OPHN1: variants seen among roughly 807,000 people sequenced by gnomAD.
OPHN1 encodes the protein oligophrenin-1.
Under a neutral mutation model 60.7 loss-of-function variants are expected in OPHN1, and 11 were observed. The observed-to-expected ratio is 0.18, with a 90% CI of 0.11 to 0.30. The LOEUF is 0.30. Among genes scored for constraint, OPHN1 ranks in the 10% least tolerant of loss-of-function variants. The pLI is 1.00. For synonymous variants in OPHN1, 226 were observed against 222.6 expected, an observed-to-expected ratio of 1.02 and a Z score of -0.14; for missense variants, 449 against 611.0, an observed-to-expected ratio of 0.73 and a Z score of 2.80.
At chrX:68,225,179 C>T in intron 6 of OPHN1, among the ~76,000 whole-genome samples, 1 of 111,653 alleles carries the variant, frequency 9.0e-6, no homozygotes, top group Non-Finnish European at 1.9e-5. Flanking sequence ...GGGGGAGGGT[C>T]GTCCGCCATT....
chrX:68,420,342 T>C (rs1490688012), intron 2 of OPHN1, among the ~76,000 whole-genome samples: 3 of 112,264 alleles, frequency 2.7e-5, no homozygotes, highest in African/African-American at 9.7e-5. Context: ...TGACTAGCTA[T>C]GCAATCTTAG....
intron 2 of OPHN1, among the ~76,000 whole-genome samples, chrX:68,354,544 G>A (rs982525598): frequency 4.8e-5 from 5 of 104,301 alleles, no homozygotes; most frequent in Middle Eastern, 5.1e-3. Context: ...GATCACCTGC[G>A]GTCAGGAGTT....
chrX:68,214,182 T>C (rs968607030), intron 6 of OPHN1, among the ~76,000 whole-genome samples: 12 of 112,025 alleles, frequency 1.1e-4, no homozygotes, highest in African/African-American at 3.6e-4. Context: ...CATAAAAAGC[T>C]TGAAGTCATT....
At chrX:68,169,471 A>G (rs1009513168) in intron 15 of OPHN1, among the ~76,000 whole-genome samples, 1 of 109,826 alleles carries the variant, frequency 9.1e-6, no homozygotes, top group African/African-American at 3.4e-5. Flanking sequence ...CCGCATTGCC[A>G]AGTCAATCCT....
intron 15 of OPHN1, among the ~76,000 whole-genome samples, chrX:68,125,743 A>T (rs1218502853): frequency 9.4e-6 from 1 of 106,423 alleles, no homozygotes; most frequent in African/African-American, 3.4e-5. Context: ...GCTGAATTCT[A>T]CCAAACATTT....
At chrX:68,410,365 C>T (rs1460583477) in intron 2 of OPHN1, among the ~76,000 whole-genome samples, 3 of 110,829 alleles carry the variant, frequency 2.7e-5, no homozygotes, top group Admixed American at 9.7e-5. Flanking sequence ...GGAGGAATGC[C>T]GTGTTCTCAC....
intron 2 of OPHN1, among the ~76,000 whole-genome samples, chrX:68,351,873 CTTTTTTT>C (rs58051308): frequency 6.8e-5 from 2 of 29,552 alleles, no homozygotes; most frequent in Admixed American, 4.4e-4. Flanking sequence ...ATTTTTTTTT[CTTTTTTT>C]TTTTTTTTTT....
intron 2 of OPHN1, among the ~76,000 whole-genome samples, chrX:68,429,542 C>T (rs749436636): frequency 3.6e-5 from 4 of 110,516 alleles, no homozygotes; most frequent in Non-Finnish European, 7.6e-5. Context: ...TGGGCGAGAT[C>T]AGTGAGACCC....
rs56107322 is a variant in OPHN1, at chrX:68,112,061, G to GCACA, written c.1421-106_1421-103dup. 34,777 of 379,470 alleles carry GCACA rather than the reference G, an allele frequency of 0.092. 1,058 individuals carry two copies. The highest frequency in any genetic ancestry group is 0.29 in the East Asian group (5,842 of 20,279). The allele number at this position is 379,470 out of a possible 1,213,427, so 31.3% of individuals were successfully genotyped here. On this transcript the variant is annotated intron_variant, in intron 17 of 24. Coordinates refer to ENST00000355520, the MANE Select transcript of OPHN1 (RefSeq NM_002547.3). ...CACAAACACACACACATGCACACATGCACACACACACACACACACACACAC... is the reference window on the plus strand; with the variant it reads ...CACAAACACACACACATGCACACATGCACACACACACACACACACACACACACAC...
chrX:68,317,551 G>GAA (rs1327343628), intron 2 of OPHN1, among the ~76,000 whole-genome samples: 3 of 68,481 alleles, frequency 4.4e-5, no homozygotes, highest in Non-Finnish European at 7.7e-5. Context: ...AAGAAAGAAA[G>GAA]AAAGAAAGAA....
intron 15 of OPHN1, among the ~76,000 whole-genome samples, chrX:68,186,163 A>G (rs764153039): frequency 9.0e-6 from 1 of 111,524 alleles, no homozygotes; most frequent in Non-Finnish European, 1.9e-5. Context: ...GCTAGACACT[A>G]AGTTGCAGGA....
rs143476708 is a variant in OPHN1, at chrX:68,115,625, C to T, written c.1362-2386G>A. Among the ~76,000 whole-genome samples, 374 of 111,969 alleles carry T rather than the reference C, an allele frequency of 3.3e-3. 3 individuals are homozygous for T. The highest frequency in any genetic ancestry group is 0.012 in the African/African-American group (364 of 30,846). The stretch of plus-strand genomic sequence containing the variant: ...TTTGTGTGCAGCATTGAGGGTATCC[C>T]TGGTGACCCTGGCAAAAGCAGCTTC... On this transcript the variant is annotated intron_variant, in intron 16 of 24. Transcript: ENST00000355520.
intron 5 of OPHN1, among the ~76,000 whole-genome samples, chrX:68,235,636 G>T (rs1361848298): frequency 9.5e-6 from 1 of 105,529 alleles, no homozygotes; most frequent in Admixed American, 1.0e-4. Context: ...TCAGGAGTTC[G>T]AGACCAGCCT....
chrX:68,108,482 AT>A (rs772143670), intron 18 of OPHN1, among the ~76,000 whole-genome samples: 189 of 111,571 alleles, frequency 1.7e-3, no homozygotes, highest in African/African-American at 5.6e-3. Flanking sequence ...TAATGTTAAA[AT>A]TTTTTTTCCT....
At chrX:68,320,547 C>G (rs753552841) in intron 2 of OPHN1, among the ~76,000 whole-genome samples, 120 of 110,564 alleles carry the variant, frequency 1.1e-3, no homozygotes, top group Non-Finnish European at 2.0e-3. Flanking sequence ...GAACCCCCCC[C>G]CATTTTTCTA....
At chrX:68,269,067 A>G (rs968688875) in intron 5 of OPHN1, among the ~76,000 whole-genome samples, 1 of 111,531 alleles carries the variant, frequency 9.0e-6, no homozygotes, top group African/African-American at 3.3e-5. Flanking sequence ...ACTAGAAACC[A>G]CTGCTCAATG....
intron 18 of OPHN1, among the ~76,000 whole-genome samples, chrX:68,097,573 C>T (rs2077042629): frequency 1.8e-5 from 2 of 111,494 alleles, no homozygotes; most frequent in Non-Finnish European, 3.8e-5. Context: ...GGAATTTGCT[C>T]GAAGTCACAG....
At chrX:68,385,032 C>T (rs1267991493) in intron 2 of OPHN1, among the ~76,000 whole-genome samples, 1 of 110,546 alleles carries the variant, frequency 9.0e-6, no homozygotes, top group Non-Finnish European at 1.9e-5. Context: ...AACCAAAAAC[C>T]ACCTGTACCC....
intron 2 of OPHN1, among the ~76,000 whole-genome samples, chrX:68,347,348 G>T (rs975568673): frequency 2.8e-5 from 3 of 107,833 alleles, no homozygotes; most frequent in Non-Finnish European, 3.8e-5. Flanking sequence ...ACAGGGATTT[G>T]CCCTGTCACC....
Sources: allele counts gnomAD v4.1 joint callset (sites outside exome capture counted in the v4.1 genomes callset), GRCh38; gene constraint gnomAD v4.1.1; transcripts MANE v1.5; gene names NCBI Gene and HGNC (gene_info 2026-07-23, HGNC 2026-07-21).